The following DLG2 variants were observed in gnomAD, a reference collection of about 807,000 sequenced individuals.
DLG2 encodes disks large homolog 2.
Under a neutral mutation model 132.5 loss-of-function variants are expected in DLG2, and 45 were observed. The ratio of observed to expected loss-of-function variants is 0.34; its 90% CI spans 0.27 to 0.44. The LOEUF (loss-of-function observed/expected upper bound fraction) is 0.44, where lower values mean the gene tolerates loss of function less well. Among genes scored for constraint, DLG2 ranks in the 20% least tolerant of loss-of-function variants. The probability of loss-of-function intolerance (pLI) is 1.00; values close to 1 mark genes in which losing one functional copy is unlikely to be tolerated. For synonymous variants in DLG2, 424 were observed against 419.6 expected, an observed-to-expected ratio of 1.01 and a Z score of -0.13; for missense variants, 1,045 against 1,196.9, an observed-to-expected ratio of 0.87 and a Z score of 1.87.
chr11:85,600,044 T>C (rs896930815), intron 2 of DLG2, among the ~76,000 whole-genome samples: 1 of 152,204 alleles, frequency 6.6e-6, no homozygotes, highest in African/African-American at 2.4e-5. Context: ...CTCTTCTTCC[T>C]CATGGCCATT....
chr11:85,180,803 A>G (rs2079638281), intron 4 of DLG2, among the ~76,000 whole-genome samples: 1 of 151,834 alleles, frequency 6.6e-6, no homozygotes, highest in Non-Finnish European at 1.5e-5. Flanking sequence ...CCAAGTTTAC[A>G]TAGACTTTCA....
chr11:84,402,641 G>C (rs2098833680), intron 7 of DLG2, among the ~76,000 whole-genome samples: 1 of 151,888 alleles, frequency 6.6e-6, no homozygotes, highest in Admixed American at 6.5e-5. Context: ...CCAGCACTTT[G>C]AGAGGCCGAG....
chr11:83,514,678 G>C (rs1026185925), intron 21 of DLG2, among the ~76,000 whole-genome samples: 31 of 152,224 alleles, frequency 2.0e-4, no homozygotes, highest in South Asian at 1.2e-3. Context: ...GTCATAGATA[G>C]CTCTTATTAT....
intron 3 of DLG2, among the ~76,000 whole-genome samples, chr11:85,316,613 C>A (rs1596185694): frequency 6.6e-6 from 1 of 151,958 alleles, no homozygotes; most frequent in Admixed American, 6.6e-5. Context: ...TTAGCCAATG[C>A]CTCTCATGTA....
At chr11:83,579,841 G>C (rs1333525282) in intron 19 of DLG2, among the ~76,000 whole-genome samples, 1 of 151,806 alleles carries the variant, frequency 6.6e-6, no homozygotes, top group Non-Finnish European at 1.5e-5. Flanking sequence ...ATGGTGGCAT[G>C]TGCCTATGGT....
intron 6 of DLG2, among the ~76,000 whole-genome samples, chr11:84,642,103 G>T (rs1356513594): frequency 7.4e-6 from 1 of 134,722 alleles, no homozygotes; most frequent in Non-Finnish European, 1.6e-5. Flanking sequence ...GTGTGTGTGT[G>T]TGTGTATATG....
chr11:84,336,925 C>T (rs752266105), intron 7 of DLG2, among the ~76,000 whole-genome samples: 1 of 152,216 alleles, frequency 6.6e-6, no homozygotes, highest in Non-Finnish European at 1.5e-5. Flanking sequence ...GATGCCTTCT[C>T]TCCCTCTTCC....
intron 6 of DLG2, among the ~76,000 whole-genome samples, chr11:85,083,392 C>T (rs559701514): frequency 6.6e-6 from 1 of 152,204 alleles, no homozygotes; most frequent in South Asian, 2.1e-4. Flanking sequence ...CATTGGTCAC[C>T]AATTTGTAAA....
At chr11:83,682,288 C>T (rs2078964764) in intron 18 of DLG2, 1 of 985,278 alleles carries the variant, frequency 1.0e-6, no homozygotes, top group East Asian at 1.1e-4. Context: ...AAGACTCTGA[C>T]AGAACTCACT....
intron 6 of DLG2, among the ~76,000 whole-genome samples, chr11:84,546,279 T>C (rs558274674): frequency 6.6e-6 from 1 of 152,104 alleles, no homozygotes; most frequent in Non-Finnish European, 1.5e-5. Flanking sequence ...GTGTGAAGCA[T>C]CTCCCCTGCC....
At chr11:84,968,498 G>C (rs763373478) in intron 6 of DLG2, among the ~76,000 whole-genome samples, 4 of 152,044 alleles carry the variant, frequency 2.6e-5, no homozygotes, top group Non-Finnish European at 5.9e-5. Context: ...GTCTGTCCAT[G>C]AACTCCAATC....
intron 6 of DLG2, among the ~76,000 whole-genome samples, chr11:84,568,505 T>G (rs1314893910): frequency 6.6e-6 from 1 of 152,012 alleles, no homozygotes; most frequent in African/African-American, 2.4e-5. Flanking sequence ...AGACACCATC[T>G]CAAAATAAAT....
intron 7 of DLG2, among the ~76,000 whole-genome samples, chr11:84,505,472 A>T (rs933327279): frequency 6.6e-6 from 1 of 152,192 alleles, no homozygotes; most frequent in Non-Finnish European, 1.5e-5. Context: ...AATCACTGCA[A>T]GTATTGAATG....
At chr11:83,753,883 TC>T (rs1480092743) in intron 18 of DLG2, among the ~76,000 whole-genome samples, 1,233 of 79,000 alleles carry the variant, frequency 0.016, 131 homozygotes, top group African/African-American at 0.12. Flanking sequence ...ATGATATATA[TC>T]ATATATATCA....
At chr11:84,290,548 A>G (rs1161326570) in intron 7 of DLG2, among the ~76,000 whole-genome samples, 2 of 152,152 alleles carry the variant, frequency 1.3e-5, no homozygotes, top group Non-Finnish European at 2.9e-5. Flanking sequence ...GTGAGGGAAA[A>G]TGATTTAACA....
intron 3 of DLG2, among the ~76,000 whole-genome samples, chr11:85,343,222 C>T (rs1034779387): frequency 6.6e-6 from 1 of 152,210 alleles, no homozygotes; most frequent in African/African-American, 2.4e-5. Flanking sequence ...TAACCCAACA[C>T]AATTCCATTA....
chr11:85,382,585 C>T (rs559474371), intron 3 of DLG2, among the ~76,000 whole-genome samples: 6 of 151,976 alleles, frequency 3.9e-5, no homozygotes, highest in African/African-American at 1.2e-4. Context: ...ATAACATTTG[C>T]AAGTCATTTT....
chr11:84,245,348 A>T (rs867184014), intron 8 of DLG2, among the ~76,000 whole-genome samples: 2 of 152,194 alleles, frequency 1.3e-5, no homozygotes, highest in Non-Finnish European at 2.9e-5. Context: ...TGTTGCTGAT[A>T]TTATATGATA....
intron 7 of DLG2, among the ~76,000 whole-genome samples, chr11:84,358,899 G>A (rs2098633728): frequency 6.6e-6 from 1 of 151,772 alleles, no homozygotes; most frequent in Non-Finnish European, 1.5e-5. Context: ...CTTATCCAAG[G>A]CCATGCAACT....
Sources: allele counts gnomAD v4.1 joint callset (sites outside exome capture counted in the v4.1 genomes callset), GRCh38; gene constraint gnomAD v4.1.1; transcripts MANE v1.5; gene names NCBI Gene and HGNC (gene_info 2026-07-23, HGNC 2026-07-21).